CRYBG3: variants seen among roughly 807,000 people sequenced by gnomAD.
CRYBG3 encodes crystallin beta-gamma domain containing 3.
A neutral mutation model predicts 244.2 loss-of-function variants in CRYBG3; 127 were observed. That is an observed-to-expected ratio of 0.52 (90% CI 0.45 to 0.60). CRYBG3 has a LOEUF of 0.60. CRYBG3 is among the 20% of genes least tolerant of loss of function. The probability of loss-of-function intolerance (pLI) is 0.00; values close to 1 mark genes in which losing one functional copy is unlikely to be tolerated. For synonymous variants in CRYBG3, 1,132 were observed against 1,195.8 expected, an observed-to-expected ratio of 0.95 and a Z score of 1.10; for missense variants, 3,325 against 3,442.5, an observed-to-expected ratio of 0.97 and a Z score of 0.85.
At chr3:97,867,660 C>T (rs1285580368) in intron 3 of CRYBG3, among the ~76,000 whole-genome samples, 2 of 152,146 alleles carry the variant, frequency 1.3e-5, no homozygotes, top group Non-Finnish European at 2.9e-5. Flanking sequence ...TACTTTTCTT[C>T]TTACTGTTCT....
chr3:97,876,185 C>G lies in CRYBG3; in HGVS notation c.4991C>G (p.Thr1664Arg), dbSNP rs896066484. Residue 1664 changes from threonine to arginine, a missense_variant, in exon 4 of 22, where the codon ACA (threonine) becomes AGA (arginine). Around this residue, in one of 4 missense-constraint regions of CRYBG3, gnomAD observed 635 missense variants for 771.7 expected, o/e 0.82. Coordinates refer to ENST00000389622, the MANE Select transcript of CRYBG3 (RefSeq NM_153605.4). ...DIVKTEMTPV[T>R]VDMENIYQTH... ...GTAAAGACTGAGATGACACCTGTTA[C>G]AGTAGACATGGAAAATATTTACCAA... is the stretch of plus-strand genomic sequence containing the variant. 2 of 1,231,388 alleles carry G rather than the reference C, an allele frequency of 1.6e-6. No individual in the cohort carries two copies. The highest frequency in any genetic ancestry group is 3.1e-5 in the African/African-American group (2 of 64,156). The allele number at this position is 1,231,388 out of a possible 1,614,324, so 76.3% of individuals were successfully genotyped here. A position where few individuals can be genotyped will look rare whatever the true frequency, so the allele number is the denominator to read the frequency against.
In CRYBG3 at chr3:97,874,736, C is replaced by A; in HGVS notation, c.3542C>A (p.Ala1181Asp). The A allele has an allele frequency of 1.3e-6, 2 of 1,535,758 alleles. No individual in the cohort carries two copies. The highest frequency in any genetic ancestry group is 1.2e-5 in the South Asian group (1 of 83,984). ...CSEASAEHIE[A>D]RRRAHDQLLD... is the part of the protein sequence containing the mutation. ...GAAGCCTCTGCTGAGCACATAGAAGCCAGGAGAAGAGCACATGACCAACTT... is the reference window on the plus strand; with the variant it reads ...GAAGCCTCTGCTGAGCACATAGAAGACAGGAGAAGAGCACATGACCAACTT... Residue 1181 changes from alanine (A) to aspartate (D), a missense_variant, in exon 4 of 22, where the codon GCC (alanine) becomes GAC (aspartate). Transcript: ENST00000389622.
intron 3 of CRYBG3, among the ~76,000 whole-genome samples, chr3:97,865,661 G>A (rs863828): frequency 0.76 from 115,585 of 152,088 alleles, 44,576 homozygotes; most frequent in East Asian, 0.85. Flanking sequence ...TTTAAATCGA[G>A]CAGAGTAGGC....
chr3:97,870,302 C>T (rs969506086), intron 3 of CRYBG3, among the ~76,000 whole-genome samples: 2 of 152,080 alleles, frequency 1.3e-5, no homozygotes, highest in Admixed American at 6.5e-5. Context: ...CCCATCCTCC[C>T]CACTCAATTA....
Position 97,822,210 on chromosome 3 carries a change from T to C in CRYBG3, c.4T>C (p.Ser2Pro). 2 of 1,521,024 alleles carry C rather than the reference T, an allele frequency of 1.3e-6. No individual in the cohort carries two copies. Among genetic ancestry groups the C allele is most frequent in the Admixed American group, 2.0e-5 (1 of 49,838 alleles). 94.2% of individuals were successfully genotyped at this position (1,521,024 alleles called of 1,614,324 possible). A position where few individuals can be genotyped will look rare whatever the true frequency, so the allele number is the denominator to read the frequency against. The change falls in exon 1 of 22, where the codon TCC becomes CCC. Residue 2 changes from serine (S) to proline (P), a missense_variant. Physicochemically the swap from Ser to Pro is moderately conservative, Grantham distance 74. Around this residue, in one of 4 missense-constraint regions of CRYBG3, gnomAD observed 1,526 missense variants for 1,443.2 expected, o/e 1.06. Coordinates refer to ENST00000389622, the MANE Select transcript of CRYBG3 (RefSeq NM_153605.4). ...GGGCCAGCGGCCCCCTCGGGAAATG[T>C]CCAGCGGCCGCAGAAGGGGCAGCGC... Reference protein sequence around the residue: MSSGRRRGSAPW... With the variant: MPSGRRRGSAPW...
rs531199833 is a variant in CRYBG3 at position 97,872,921 on chromosome 3, A to G, written c.1727A>G (p.Asp576Gly). The G allele has an allele frequency of 4.6e-6, 7 of 1,529,998 alleles. No individual in the cohort carries two copies. In the African/African-American group the frequency reaches 9.6e-5, roughly 21 times the overall value. The allele number at this position is 1,529,998 out of a possible 1,614,324, so 94.8% of individuals were successfully genotyped here. The change falls in exon 4 of 22, where the codon GAT becomes GGT. Residue 576 changes from aspartate to glycine, a missense_variant. Coordinates refer to ENST00000389622, the MANE Select transcript of CRYBG3 (RefSeq NM_153605.4). The part of the protein sequence containing the change: ...KAKKLDFRSH[D>G]KIPHIRMNKK... ...AAAAAGCTTGATTTTAGGTCACATGATAAAATTCCTCATATTAGAATGAAT... is the reference window on the plus strand; with the variant it reads ...AAAAAGCTTGATTTTAGGTCACATGGTAAAATTCCTCATATTAGAATGAAT...
chr3:97,900,263 G>A (rs747924688), intron 14 of CRYBG3, among the ~76,000 whole-genome samples, 190 bp from the exon 15 acceptor site: 1 of 152,090 alleles, frequency 6.6e-6, no homozygotes, highest in Non-Finnish European at 1.5e-5. Context: ...TGGGAGGATC[G>A]CTTGAGCCCT....
chr3:97,862,918 G>A (rs1168308366), intron 2 of CRYBG3, among the ~76,000 whole-genome samples: 1 of 152,158 alleles, frequency 6.6e-6, no homozygotes, highest in South Asian at 2.1e-4. Flanking sequence ...CTTGCAATCA[G>A]TTTGCTGAGT....
chr3:97,855,593 A>C (rs2039051933), intron 2 of CRYBG3, among the ~76,000 whole-genome samples: 1 of 152,096 alleles, frequency 6.6e-6, no homozygotes, highest in African/African-American at 2.4e-5. Flanking sequence ...GTATCGGGGA[A>C]CCTGCCCCGA....
In CRYBG3 at chr3:97,874,547, T is replaced by C; in HGVS notation, c.3353T>C (p.Ile1118Thr). The change falls in exon 4 of 22, where the codon ATT becomes ACT. Residue 1118 changes from isoleucine to threonine, a missense_variant. Ile to Thr is a moderately conservative substitution (Grantham distance 89). This residue lies in a region of CRYBG3 where 1,526 missense variants were observed against 1,443.2 expected (regional missense o/e 1.06). Transcript: ENST00000389622. Reference sequence around the variant, plus strand: ...TTGGAATTTGAAACGTCTGTCTCAATTGGGACAGAAGTAACCCCATTTCAG... The same window carrying C: ...TTGGAATTTGAAACGTCTGTCTCAACTGGGACAGAAGTAACCCCATTTCAG... ...SYLEFETSVS[I>T]GTEVTPFQEH... is the part of the protein sequence containing the mutation. 1 of 1,533,172 alleles carries C rather than the reference T, an allele frequency of 6.5e-7. No individual in the cohort carries two copies. Among genetic ancestry groups the C allele is most frequent in the Non-Finnish European group, 8.7e-7 (1 of 1,144,364 alleles). 95.0% of individuals were successfully genotyped at this position (1,533,172 alleles called of 1,614,324 possible). A position where few individuals can be genotyped will look rare whatever the true frequency, so the allele number is the denominator to read the frequency against.
chr3:97,923,654 G>A (rs2040008935), intron 17 of CRYBG3, among the ~76,000 whole-genome samples: 1 of 152,050 alleles, frequency 6.6e-6, no homozygotes, highest in Admixed American at 6.6e-5. Context: ...TGGTGTAAAT[G>A]ATAAATTATT....
At chr3:97,910,381 T>A (rs1575958982) in intron 15 of CRYBG3, among the ~76,000 whole-genome samples, 1 of 152,174 alleles carries the variant, frequency 6.6e-6, no homozygotes, top group Admixed American at 6.5e-5. Context: ...CTCAGACTGC[T>A]GTGCTAGCAA....
chr3:97,850,376 A>G (rs745995985), intron 2 of CRYBG3, among the ~76,000 whole-genome samples: 1 of 152,204 alleles, frequency 6.6e-6, no homozygotes, highest in Non-Finnish European at 1.5e-5. Context: ...ATATAACTAC[A>G]TATCTTTATC....
chr3:97,865,240 A>G (rs1553703751), intron 3 of CRYBG3, among the ~76,000 whole-genome samples: 1 of 152,140 alleles, frequency 6.6e-6, no homozygotes, highest in Non-Finnish European at 1.5e-5. Flanking sequence ...AATGTTTATA[A>G]CATTGTTGAG....
At chr3:97,866,921 C>T (rs891887965) in intron 3 of CRYBG3, 9 of 152,152 alleles carry the variant, frequency 5.9e-5, no homozygotes, top group East Asian at 1.9e-4. Context: ...ACTGAGATGC[C>T]GGCTTCCTTC....
intron 1 of CRYBG3, among the ~76,000 whole-genome samples, chr3:97,842,868 T>C (rs1323672326): frequency 2.0e-5 from 3 of 152,262 alleles, no homozygotes; most frequent in African/African-American, 7.2e-5. Context: ...ATAAATAATA[T>C]CTTAGAGTGC....
intron 15 of CRYBG3, among the ~76,000 whole-genome samples, chr3:97,906,957 G>T (rs1275730323): frequency 1.3e-5 from 2 of 149,072 alleles, no homozygotes; most frequent in African/African-American, 4.9e-5. Flanking sequence ...TAGCATGAAG[G>T]GTTGTTGAAT....
In CRYBG3 at chr3:97,877,715, A is replaced by G; in HGVS notation, c.6521A>G (p.Gln2174Arg). ...RAGSGERVTF[Q>R]LPDPSITFYP... ...GGAAGTGGGGAGCGTGTTACCTTCCAGTTGCCAGATCCTTCCATCACATTT... is the reference window on the plus strand; with the variant it reads ...GGAAGTGGGGAGCGTGTTACCTTCCGGTTGCCAGATCCTTCCATCACATTT... The change falls in exon 4 of 22, where the codon CAG (glutamine) becomes CGG (arginine). Residue 2174 changes from glutamine to arginine, a missense_variant. This residue lies in a region of CRYBG3 where 450 missense variants were observed against 424.1 expected (regional missense o/e 1.06). Coordinates refer to ENST00000389622, the MANE Select transcript of CRYBG3 (RefSeq NM_153605.4). 1.2e-6 allele frequency: 2 copies of G among 1,614,106 alleles called. No individual in the cohort carries two copies. The highest frequency in any genetic ancestry group is 1.1e-5 in the South Asian group (1 of 91,070).
At position 97,900,702 on chromosome 3, in the gene CRYBG3, C is replaced by A. The variant is rs529025671; in HGVS notation, c.8004+217C>A. ...CACACTTCCTTTTGTTTTCTCCTGA[C>A]AGAGCGGTAGCTCTGACCACTTTAG... is the stretch of plus-strand genomic sequence containing the variant. On this transcript the variant is annotated intron_variant, in intron 15 of 21. Transcript: ENST00000389622. 1.7e-4 allele frequency among the ~76,000 whole-genome samples: 26 copies of A among 152,322 alleles called. No individual in the cohort carries two copies. In the East Asian group the frequency reaches 4.8e-3, roughly 28 times the overall value.
Sources: allele counts gnomAD v4.1 joint callset (sites outside exome capture counted in the v4.1 genomes callset), GRCh38; gene constraint gnomAD v4.1.1; regional missense constraint gnomAD v4.1.1; transcripts MANE v1.5; gene names NCBI Gene and HGNC (gene_info 2026-07-23, HGNC 2026-07-21).